Variants in VCX2 observed in about 807,000 individuals in gnomAD.
The protein encoded by VCX2 is variable charge X-linked protein 2.
For missense variants in VCX2, 83 were observed against 116.6 expected, an observed-to-expected ratio of 0.71 and a Z score of 1.33; for synonymous variants, 37 against 53.9, an observed-to-expected ratio of 0.69 and a Z score of 1.38.
rs1472085719 is a variant in VCX2 at position 8,169,981 on chromosome X, G to C, written c.*51C>G. On this transcript the variant is annotated 3_prime_UTR_variant, in exon 3 of 3. Coordinates refer to ENST00000317103, the MANE Select transcript of VCX2 (RefSeq NM_016378.3). ...ACATTCATTTTATTATCTTCAGAAT[G>C]GCAAGCACCCCGCTGGTGAGATCTC... The C allele has an allele frequency of 1.2e-5, 14 of 1,141,963 alleles. 1 individual carries two copies. The highest frequency in any genetic ancestry group is 1.6e-5 in the Non-Finnish European group (14 of 860,841). 94.1% of individuals were successfully genotyped at this position (1,141,963 alleles called of 1,213,427 possible). A position where few individuals can be genotyped will look rare whatever the true frequency, so the allele number is the denominator to read the frequency against.
In VCX2 at chrX:8,170,114, G is replaced by A; in HGVS notation, c.338C>T (p.Pro113Leu). The A allele has an allele frequency of 8.7e-7, 1 of 1,146,989 alleles. No homozygotes were observed. The highest frequency in any genetic ancestry group is 1.2e-6 in the Non-Finnish European group (1 of 862,184). 94.5% of individuals were successfully genotyped at this position (1,146,989 alleles called of 1,213,427 possible). Residue 113 changes from proline (P) to leucine (L), a missense_variant, in exon 3 of 3, where the codon CCA becomes CTA. Transcript: ENST00000317103. ...TTCCACCTCGCTCTCCTGACTCAGT[G>A]GTTCTTCCACCTCGCTCTCCTGACT... is the stretch of plus-strand genomic sequence containing the variant. ...PLSQESEVEE[P>L]LSQESEVEEP...
At position 8,170,055 on chromosome X, in the gene VCX2, G is replaced by T. The variant is rs1327286574; in HGVS notation, c.397C>A (p.Pro133Thr). The T allele has an allele frequency of 8.4e-7, 1 of 1,195,342 alleles. No homozygotes were observed. The highest frequency in any genetic ancestry group is 1.1e-6 in the Non-Finnish European group (1 of 890,884). The change falls in exon 3 of 3, where the codon CCT becomes ACT. Residue 133 changes from proline (P) to threonine (T), a missense_variant. By Grantham distance (38) the Pro-to-Thr change is conservative. Transcript: ENST00000317103. ...ACTTAGTCGGTGCTCTCGGAGACAGGGGAAAAGCTGGCCATCCACACAGTC... is the reference window on the plus strand; with the variant it reads ...ACTTAGTCGGTGCTCTCGGAGACAGTGGAAAAGCTGGCCATCCACACAGTC... Reference protein sequence around the residue: ...PLTVWMASFSPVSESTD With the variant: ...PLTVWMASFSTVSESTD
In VCX2 at chrX:8,171,259, C is replaced by T. The variant is rs1931614877; in HGVS notation, c.-299G>A. 1 of 110,574 alleles carries T rather than the reference C, an allele frequency of 9.0e-6. No individual in the cohort carries two copies. Among genetic ancestry groups the T allele is most frequent in the African/African-American group, 3.3e-5 (1 of 30,065 alleles). 9.1% of individuals were successfully genotyped at this position (110,574 alleles called of 1,213,427 possible). ...TTTCCATCTCACATACTTCTCCCAGCATCCACATAGTGCCTCACAATTTTT... is the reference window on the plus strand; with the variant it reads ...TTTCCATCTCACATACTTCTCCCAGTATCCACATAGTGCCTCACAATTTTT... On this transcript the variant is annotated 5_prime_UTR_variant, in exon 1 of 3. The change abolishes an upstream ATG in the 5' untranslated region. Transcript: ENST00000317103.
rs771797452 is a variant in VCX2 at position 8,170,315 on chromosome X, C to G, written c.137G>C (p.Arg46Pro). ...TKVAKKGKAVRRGRRGKKGAA... is the reference protein window; with the variant it reads ...TKVAKKGKAVPRGRRGKKGAA... ...CCCTTTCTTCCCGCGTCTCCCTCTACGAACTGCTTTTCCCTTCTTGGCCAC... is the reference window on the plus strand; with the variant it reads ...CCCTTTCTTCCCGCGTCTCCCTCTAGGAACTGCTTTTCCCTTCTTGGCCAC... The change falls in exon 3 of 3, where the codon CGT becomes CCT. Residue 46 changes from arginine to proline, a missense_variant. Physicochemically the swap from Arg to Pro is moderately radical, Grantham distance 103 (BLOSUM62 -2). Transcript: ENST00000317103. 10 of 974,625 alleles carry G rather than the reference C, an allele frequency of 1.0e-5. No homozygotes were observed. The highest frequency in any genetic ancestry group is 1.4e-5 in the Non-Finnish European group (10 of 734,033). 80.3% of individuals were successfully genotyped at this position (974,625 alleles called of 1,213,427 possible).
chrX:8,170,029 A>C lies in VCX2; in HGVS notation c.*3T>G. ...CTCTGAGGTCTGGCGGCTGGGCCTGAACTTAGTCGGTGCTCTCGGAGACAG... is the reference window on the plus strand; with the variant it reads ...CTCTGAGGTCTGGCGGCTGGGCCTGCACTTAGTCGGTGCTCTCGGAGACAG... On this transcript the variant is annotated 3_prime_UTR_variant, in exon 3 of 3. Coordinates refer to ENST00000317103, the MANE Select transcript of VCX2 (RefSeq NM_016378.3). The C allele has an allele frequency of 1.7e-6, 2 of 1,198,797 alleles. No individual in the cohort carries two copies. Among genetic ancestry groups the C allele is most frequent in the Non-Finnish European group, 1.1e-6 (1 of 892,021 alleles).
Position 8,170,126 on chromosome X carries a change from T to G in VCX2, c.326A>C (p.Glu109Ala), listed in dbSNP as rs1931511495. The change falls in exon 3 of 3, where the codon GAG (glutamate) becomes GCG (alanine). Residue 109 changes from glutamate (E) to alanine (A), a missense_variant. Physicochemically the swap from Glu to Ala is moderately radical, Grantham distance 107. Transcript: ENST00000317103. ...TQHDPLSQES[E>A]VEEPLSQESE... is the part of the protein sequence containing the mutation. ...CTCCTGACTCAGTGGTTCTTCCACCTCGCTCTCCTGACTCAGGGGGTCGTG... is the reference window on the plus strand; with the variant it reads ...CTCCTGACTCAGTGGTTCTTCCACCGCGCTCTCCTGACTCAGGGGGTCGTG... 1.0e-6 allele frequency: 1 copy of G among 968,943 alleles called. No individual in the cohort carries two copies. 79.9% of individuals were successfully genotyped at this position (968,943 alleles called of 1,213,427 possible). A position where few individuals can be genotyped will look rare whatever the true frequency, so the allele number is the denominator to read the frequency against.
chrX:8,171,154 ACGTCAATCATCCCTCTCTCCTACAAAT>A lies in VCX2; in HGVS notation c.-221_-195del, dbSNP rs2146600949. The A allele has an allele frequency of 6.8e-6, 1 of 146,888 alleles. No homozygotes were observed. Among genetic ancestry groups the A allele is most frequent in the South Asian group, 1.8e-4 (1 of 5,678 alleles). 12.1% of individuals were successfully genotyped at this position (146,888 alleles called of 1,213,427 possible). ...GGGATGGATGGAGGGCTATACGAAG[ACGTCAATCATCCCTCTCTCCTACAAAT>A]TCCTCTGCTACACCTTGAGGATCAT... On this transcript the variant is annotated 5_prime_UTR_variant, in exon 1 of 3. The change abolishes an upstream ATG in the 5' untranslated region. Coordinates refer to ENST00000317103, the MANE Select transcript of VCX2 (RefSeq NM_016378.3).
chrX:8,170,101 C>G lies in VCX2; in HGVS notation c.351G>C (p.Glu117Asp), dbSNP rs1391990084. 8.4e-7 allele frequency: 1 copy of G among 1,191,914 alleles called. No individual in the cohort carries two copies. The highest frequency in any genetic ancestry group is 1.1e-6 in the Non-Finnish European group (1 of 889,027). Residue 117 changes from glutamate to aspartate, a missense_variant, in exon 3 of 3, where the codon GAG becomes GAC. Coordinates refer to ENST00000317103, the MANE Select transcript of VCX2 (RefSeq NM_016378.3). ...CAGTCAGTGGTTCTTCCACCTCGCTCTCCTGACTCAGTGGTTCTTCCACCT... is the reference window on the plus strand; with the variant it reads ...CAGTCAGTGGTTCTTCCACCTCGCTGTCCTGACTCAGTGGTTCTTCCACCT... Reference protein sequence around the residue: ...ESEVEEPLSQESEVEEPLTVW... With the variant: ...ESEVEEPLSQDSEVEEPLTVW...
At position 8,170,019 on chromosome X, in the gene VCX2, G is replaced by C. The variant is rs1931492226; in HGVS notation, c.*13C>G. ...CTGGTGAGATCTCTGAGGTCTGGCGGCTGGGCCTGAACTTAGTCGGTGCTC... is the reference window on the plus strand; with the variant it reads ...CTGGTGAGATCTCTGAGGTCTGGCGCCTGGGCCTGAACTTAGTCGGTGCTC... On this transcript the variant is annotated 3_prime_UTR_variant, in exon 3 of 3. Transcript: ENST00000317103. 1 of 1,185,483 alleles carries C rather than the reference G, an allele frequency of 8.4e-7. No homozygotes were observed. The highest frequency in any genetic ancestry group is 1.1e-6 in the Non-Finnish European group (1 of 887,280).
chrX:8,170,083 T>C lies in VCX2; in HGVS notation c.369A>G (p.Pro123=). The change falls in exon 3 of 3, where the codon CCA becomes CCG. Residue 123 remains proline (P), a synonymous_variant. Transcript: ENST00000317103. ...PLSQESEVEE[P]LTVWMASFSP... ...AAAAGCTGGCCATCCACACAGTCAG[T>C]GGTTCTTCCACCTCGCTCTCCTGAC... is the stretch of plus-strand genomic sequence containing the variant. The C allele has an allele frequency of 1.7e-6, 2 of 1,198,370 alleles. No homozygotes were observed. The highest frequency in any genetic ancestry group is 2.2e-6 in the Non-Finnish European group (2 of 891,045).
At position 8,170,053 on chromosome X, in the gene VCX2, A is replaced by G. The variant is rs142508843; in HGVS notation, c.399T>C (p.Pro133=). The G allele has an allele frequency of 9.7e-4, 1,161 of 1,195,108 alleles. 13 individuals carry two copies. The African/African-American group carries it at 0.019, about 19-fold the overall frequency. Residue 133 remains proline (P), a synonymous_variant, in exon 3 of 3, where the codon CCT becomes CCC. Transcript: ENST00000317103. ...PLTVWMASFS[P]VSESTD Reference sequence around the variant, plus strand: ...GAACTTAGTCGGTGCTCTCGGAGACAGGGGAAAAGCTGGCCATCCACACAG... The same window carrying G: ...GAACTTAGTCGGTGCTCTCGGAGACGGGGGAAAAGCTGGCCATCCACACAG...
rs1389572258 is a variant in VCX2 at position 8,170,056 on chromosome X, G to A, written c.396C>T (p.Ser132=). The change falls in exon 3 of 3, where the codon TCC becomes TCT. Residue 132 remains serine, a synonymous_variant. Transcript: ENST00000317103. ...EPLTVWMASF[S]PVSESTD ...CTTAGTCGGTGCTCTCGGAGACAGG[G>A]GAAAAGCTGGCCATCCACACAGTCA... is the stretch of plus-strand genomic sequence containing the variant. The A allele has an allele frequency of 1.4e-5, 17 of 1,204,372 alleles. No homozygotes were observed. The highest frequency in any genetic ancestry group is 8.9e-5 in the East Asian group (3 of 33,535).
In VCX2 at chrX:8,171,158, C is replaced by T. The variant is rs1318022069; in HGVS notation, c.-198G>A. On this transcript the variant is annotated 5_prime_UTR_variant, in exon 1 of 3. It removes the in-frame stop codon of an upstream open reading frame in the 5' UTR. Transcript: ENST00000317103. ...TGGATGGAGGGCTATACGAAGACGT[C>T]AATCATCCCTCTCTCCTACAAATTC... The T allele has an allele frequency of 2.9e-5, 4 of 136,627 alleles. No homozygotes were observed. Among genetic ancestry groups the T allele is most frequent in the Non-Finnish European group, 5.8e-5 (4 of 68,661 alleles). The allele number at this position is 136,627 out of a possible 1,213,427, so 11.3% of individuals were successfully genotyped here.
chrX:8,170,862 G>GT (rs1569171527), intron 1 of VCX2, 73 bp from the exon 2 acceptor site: 1 of 56,996 alleles, frequency 1.8e-5, no homozygotes, highest in African/African-American at 6.2e-5. Context: ...GGGGCGGGGG[G>GT]GGGGGGTGAC....
At position 8,170,163 on chromosome X, in the gene VCX2, C is replaced by T. The variant is rs139229818; in HGVS notation, c.289G>A (p.Glu97Lys). 7.9e-6 allele frequency: 9 copies of T among 1,136,458 alleles called. No homozygotes were observed. Among genetic ancestry groups the T allele is most frequent in the South Asian group, 7.4e-5 (4 of 53,724 alleles). 93.7% of individuals were successfully genotyped at this position (1,136,458 alleles called of 1,213,427 possible). The change falls in exon 3 of 3, where the codon GAG (glutamate) becomes AAG (lysine). Residue 97 changes from glutamate (E) to lysine (K), a missense_variant. By Grantham distance (56) the Glu-to-Lys change is moderately conservative (BLOSUM62 1). Transcript: ENST00000317103. ...CTCAGGGGGTCGTGCTGGGTCCCCT[C>T]GCTCACTGGCTCCTCCGGCGGCAGC... Reference protein sequence around the residue: ...HELPPEEPVSEGTQHDPLSQE... With the variant: ...HELPPEEPVSKGTQHDPLSQE...
chrX:8,170,059 A>T lies in VCX2; in HGVS notation c.393T>A (p.Phe131Leu). The T allele has an allele frequency of 8.3e-7, 1 of 1,203,744 alleles. No individual in the cohort carries two copies. Among genetic ancestry groups the T allele is most frequent in the African/African-American group, 1.8e-5 (1 of 55,534 alleles). ...EEPLTVWMAS[F>L]SPVSESTD Reference sequence around the variant, plus strand: ...AGTCGGTGCTCTCGGAGACAGGGGAAAAGCTGGCCATCCACACAGTCAGTG... The same window carrying T: ...AGTCGGTGCTCTCGGAGACAGGGGATAAGCTGGCCATCCACACAGTCAGTG... Residue 131 changes from phenylalanine (F) to leucine (L), a missense_variant, in exon 3 of 3, where the codon TTT (phenylalanine) becomes TTA (leucine). Phe to Leu is a conservative substitution (Grantham distance 22, BLOSUM62 0). Coordinates refer to ENST00000317103, the MANE Select transcript of VCX2 (RefSeq NM_016378.3).
In VCX2 at chrX:8,170,060, A is replaced by T. The variant is rs750804166; in HGVS notation, c.392T>A (p.Phe131Tyr). ...EEPLTVWMAS[F>Y]SPVSESTD ...GTCGGTGCTCTCGGAGACAGGGGAA[A>T]AGCTGGCCATCCACACAGTCAGTGG... is the stretch of plus-strand genomic sequence containing the variant. Residue 131 changes from phenylalanine (F) to tyrosine (Y), a missense_variant, in exon 3 of 3, where the codon TTT becomes TAT. Phe to Tyr is a conservative substitution (Grantham distance 22, BLOSUM62 3). Transcript: ENST00000317103. The T allele has an allele frequency of 8.3e-6, 10 of 1,203,372 alleles. No homozygotes were observed. The highest frequency in any genetic ancestry group is 6.0e-5 in the East Asian group (2 of 33,498).
Position 8,170,221 on chromosome X carries a change from G to C in VCX2, c.231C>G (p.Ser77Arg). 2 of 1,131,180 alleles carry C rather than the reference G, an allele frequency of 1.8e-6. No individual in the cohort carries two copies. Among genetic ancestry groups the C allele is most frequent in the East Asian group, 3.2e-5 (1 of 30,954 alleles). The allele number at this position is 1,131,180 out of a possible 1,213,427, so 93.2% of individuals were successfully genotyped here. The change falls in exon 3 of 3, where the codon AGC (serine) becomes AGG (arginine). Residue 77 changes from serine (S) to arginine (R), a missense_variant. Ser to Arg is a moderately radical substitution (Grantham distance 110). Coordinates refer to ENST00000317103, the MANE Select transcript of VCX2 (RefSeq NM_016378.3). The stretch of plus-strand genomic sequence containing the variant: ...GAGGGAGCTCCTGGCTGGGCTGGTC[G>C]CTGGGGCCGGGTGCCGCTGGCGCGC... ...AESAPAAPGP[S>R]DQPSQELPQH... is the part of the protein sequence containing the mutation.
rs148114540 is a variant in VCX2, at chrX:8,170,052, C to G, written c.400G>C (p.Val134Leu). 3.6e-5 allele frequency: 43 copies of G among 1,195,242 alleles called. No homozygotes were observed. Among genetic ancestry groups the G allele is most frequent in the Non-Finnish European group, 4.7e-5 (42 of 890,867 alleles). ...TGAACTTAGTCGGTGCTCTCGGAGA[C>G]AGGGGAAAAGCTGGCCATCCACACA... ...LTVWMASFSP[V>L]SESTD Residue 134 changes from valine (V) to leucine (L), a missense_variant, in exon 3 of 3, where the codon GTC (valine) becomes CTC (leucine). Transcript: ENST00000317103.
Sources: gnomAD v4.1 joint callset for allele counts on GRCh38, gnomAD v4.1.1 for gene constraint, MANE v1.5 for transcripts, NCBI Gene and HGNC (gene_info 2026-07-23, HGNC 2026-07-21) for gene names.